The following TSHZ2 variants were observed in gnomAD, a reference collection of about 807,000 sequenced individuals.
TSHZ2 encodes the protein teashirt zinc finger homeobox 2.
TSHZ2 carries 21 observed loss-of-function variants against 74.4 expected under a neutral mutation model. The observed-to-expected ratio is 0.28, with a 90% confidence interval of 0.20 to 0.41. The LOEUF (loss-of-function observed/expected upper bound fraction) is 0.41. Among genes scored for constraint, TSHZ2 ranks in the 10% least tolerant of loss-of-function variants. The pLI, the probability that TSHZ2 is intolerant of heterozygous loss-of-function variation, is 1.00. For synonymous variants in TSHZ2, 540 were observed against 515.3 expected (o/e 1.05, Z -0.65); for missense variants, 1,244 against 1,293.5 (o/e 0.96, Z 0.59).
At chr20:53,008,557 C>T (rs1213034626) in intron 1 of TSHZ2, among the ~76,000 whole-genome samples, 2 of 145,986 alleles carry the variant, frequency 1.4e-5, no homozygotes, top group South Asian at 2.2e-4. Flanking sequence ...TTATAATCAC[C>T]TTTTTTTTTT....
chr20:53,303,585 C>T (rs1265607182), intron 2 of TSHZ2, among the ~76,000 whole-genome samples: 2 of 152,192 alleles, frequency 1.3e-5, no homozygotes, highest in Non-Finnish European at 2.9e-5. Context: ...TCTTGAAATC[C>T]AGTGCCCTCT....
At position 53,119,575 on chromosome 20, in the gene TSHZ2, A is replaced by G. The variant is rs144051261; in HGVS notation, c.41-133924A>G. On this transcript the variant is annotated intron_variant, in intron 1 of 2. Transcript: ENST00000371497. Reference sequence around the variant, plus strand: ...AAATGTCACTAATCCCAATGGAGCTATGTTTTATGAAATACACATAGACTA... The same window carrying G: ...AAATGTCACTAATCCCAATGGAGCTGTGTTTTATGAAATACACATAGACTA... Among the ~76,000 whole-genome samples the G allele has an allele frequency of 1.6e-4, 24 of 152,326 alleles. No homozygotes were observed. The East Asian group carries it at 4.2e-3, about 27-fold the overall frequency.
rs552789656 is a variant in TSHZ2, at chr20:53,229,367, G to T, written c.41-24132G>T. 2.0e-5 allele frequency among the ~76,000 whole-genome samples: 3 copies of T among 152,194 alleles called. No individual in the cohort carries two copies. The East Asian group carries it at 5.8e-4, about 29-fold the overall frequency. On this transcript the variant is annotated intron_variant, in intron 1 of 2. Transcript: ENST00000371497. ...CTCCAGCAATGCCACCTTGCCATTG[G>T]CTTCACGCTCACAGAGAGCAAAAGC...
At chr20:53,097,380 A>G (rs1350305539) in intron 1 of TSHZ2, among the ~76,000 whole-genome samples, 2 of 152,058 alleles carry the variant, frequency 1.3e-5, no homozygotes, top group African/African-American at 2.4e-5. Flanking sequence ...TAATACCCAG[A>G]TGACTGTTAT....
chr20:53,423,173 C>T (rs1002889868), intron 2 of TSHZ2, among the ~76,000 whole-genome samples: 5 of 152,162 alleles, frequency 3.3e-5, no homozygotes, highest in East Asian at 1.9e-4. Context: ...CTAAGGCAGG[C>T]GGATATCTTG....
chr20:53,027,182 T>C (rs1259046037), intron 1 of TSHZ2, among the ~76,000 whole-genome samples: 1 of 152,148 alleles, frequency 6.6e-6, no homozygotes, highest in African/African-American at 2.4e-5. Flanking sequence ...TTCCAAAAAG[T>C]GGAATTACTG....
At chr20:53,241,545 A>G (rs1990071332) in intron 1 of TSHZ2, among the ~76,000 whole-genome samples, 1 of 152,174 alleles carries the variant, frequency 6.6e-6, no homozygotes, top group Non-Finnish European at 1.5e-5. Flanking sequence ...GAATAATGTT[A>G]GGAGCCTGAT....
intron 2 of TSHZ2, among the ~76,000 whole-genome samples, chr20:53,486,681 G>A (rs1040328529): frequency 6.9e-4 from 105 of 152,248 alleles, no homozygotes; most frequent in African/African-American, 2.4e-3. Flanking sequence ...TGTCTCAAAA[G>A]GAAAAGAATA....
intron 1 of TSHZ2, among the ~76,000 whole-genome samples, chr20:53,121,020 T>C (rs182029133): frequency 1.9e-3 from 291 of 152,352 alleles, no homozygotes; most frequent in African/African-American, 6.7e-3. Context: ...ACAACATTTT[T>C]GCTGTCTTTC....
intron 2 of TSHZ2, among the ~76,000 whole-genome samples, chr20:53,285,025 T>C (rs1276167218): frequency 1.3e-5 from 2 of 152,132 alleles, no homozygotes; most frequent in Admixed American, 6.5e-5. Flanking sequence ...CTGAAGCTGT[T>C]CAGCAGAGTC....
At chr20:53,093,473 G>A (rs1191426911) in intron 1 of TSHZ2, among the ~76,000 whole-genome samples, 1 of 152,228 alleles carries the variant, frequency 6.6e-6, no homozygotes, top group African/African-American at 2.4e-5. Flanking sequence ...CCAACATGGT[G>A]GTGCTGCTCT....
chr20:53,085,584 C>G (rs1259912013), intron 1 of TSHZ2, among the ~76,000 whole-genome samples: 1 of 152,004 alleles, frequency 6.6e-6, no homozygotes, highest in Non-Finnish European at 1.5e-5. Flanking sequence ...CATGCCAGGC[C>G]CCTTGTCAAT....
At chr20:53,422,451 C>T (rs539382611) in intron 2 of TSHZ2, among the ~76,000 whole-genome samples, 6 of 152,194 alleles carry the variant, frequency 3.9e-5, no homozygotes, top group African/African-American at 1.2e-4. Context: ...CTATTATAGA[C>T]GAGACGAAAG....
intron 1 of TSHZ2, among the ~76,000 whole-genome samples, chr20:53,079,289 G>C (rs545150535): frequency 2.0e-5 from 3 of 152,136 alleles, no homozygotes; most frequent in Non-Finnish European, 4.4e-5. Flanking sequence ...ATTCACAGTA[G>C]ACCAATGGGA....
chr20:53,342,960 T>TC (rs1980275763), intron 2 of TSHZ2, among the ~76,000 whole-genome samples: 1 of 110,778 alleles, frequency 9.0e-6, no homozygotes, highest in Admixed American at 8.5e-5. Context: ...CTTTTCTTTT[T>TC]TTTTTTTTTT....
intron 1 of TSHZ2, among the ~76,000 whole-genome samples, chr20:53,114,438 C>T (rs1013502): frequency 0.067 from 10,031 of 149,248 alleles, 438 homozygotes; most frequent in Non-Finnish European, 0.1. Flanking sequence ...ACCCACCTCA[C>T]GATATGTCAT....
chr20:53,230,111 A>T (rs950631518), intron 1 of TSHZ2, among the ~76,000 whole-genome samples: 1 of 152,044 alleles, frequency 6.6e-6, no homozygotes, highest in African/African-American at 2.4e-5. Context: ...CTGTCCTCCC[A>T]CCTGTTCTAG....
At chr20:53,203,950 T>A (rs1005567623) in intron 1 of TSHZ2, among the ~76,000 whole-genome samples, 5 of 151,748 alleles carry the variant, frequency 3.3e-5, no homozygotes, top group Non-Finnish European at 7.4e-5. Flanking sequence ...ATACTGTAAG[T>A]ATAAAACACA....
At chr20:53,350,901 T>C (rs1201605081) in intron 2 of TSHZ2, among the ~76,000 whole-genome samples, 1 of 152,232 alleles carries the variant, frequency 6.6e-6, no homozygotes, top group Non-Finnish European at 1.5e-5. Flanking sequence ...CTTAGAGCAA[T>C]GCTTGCTCAC....
Sources: allele counts gnomAD v4.1 joint callset (sites outside exome capture counted in the v4.1 genomes callset), GRCh38; gene constraint gnomAD v4.1.1; transcripts MANE v1.5; gene names NCBI Gene and HGNC (gene_info 2026-07-23, HGNC 2026-07-21).